The following GRIN2B variants were observed in gnomAD, a reference collection of about 807,000 sequenced individuals.
GRIN2B encodes glutamate ionotropic receptor NMDA type subunit 2B.
In GRIN2B, 5 loss-of-function variants were observed where a neutral mutation model predicts 114.5. That is an observed-to-expected ratio of 0.04 (90% confidence interval 0.02 to 0.09). The LOEUF is 0.09. Among genes scored for constraint, GRIN2B ranks in the 10% least tolerant of loss-of-function variants. The pLI is 1.00. For missense variants in GRIN2B, 1,108 were observed against 1,943.5 expected, an observed-to-expected ratio of 0.57 and a Z score of 8.08; for synonymous variants, 787 against 745.1, an observed-to-expected ratio of 1.06 and a Z score of -0.92.
chr12:13,612,531 A>G (rs1245978005), intron 8 of GRIN2B, among the ~76,000 whole-genome samples: 2 of 152,226 alleles, frequency 1.3e-5, no homozygotes, highest in African/African-American at 4.8e-5. Context: ...TTAACAAGTG[A>G]CAAGGGAACA....
rs78019794 is a variant in GRIN2B at position 13,761,000 on chromosome 12, G to A, written c.412-7085C>T. 6.2e-3 allele frequency among the ~76,000 whole-genome samples: 942 copies of A among 152,268 alleles called. 21 individuals carry two copies. Among genetic ancestry groups the A allele is most frequent in the East Asian group, 0.028 (147 of 5,190 alleles). Reference sequence around the variant, plus strand: ...TTGCAAGATAGGGAAAATTTCCGATGTTCTCCAGCCTCACCATTAATCAAA... The same window carrying A: ...TTGCAAGATAGGGAAAATTTCCGATATTCTCCAGCCTCACCATTAATCAAA... On this transcript the variant is annotated intron_variant, in intron 3 of 13. Coordinates refer to ENST00000609686, the MANE Select transcript of GRIN2B (RefSeq NM_000834.5).
chr12:13,569,341 T>G (rs4764012), intron 12 of GRIN2B, among the ~76,000 whole-genome samples: 144,664 of 152,280 alleles, frequency 0.95, 69,167 homozygotes, highest in East Asian at 1. Context: ...TCCCAGAGTA[T>G]GGTGAACCCC....
chr12:13,782,161 T>C (rs1343443962), intron 3 of GRIN2B, among the ~76,000 whole-genome samples: 1 of 152,172 alleles, frequency 6.6e-6, no homozygotes, highest in Non-Finnish European at 1.5e-5. Flanking sequence ...GGCTTCACTT[T>C]TTCCATAATT....
intron 3 of GRIN2B, among the ~76,000 whole-genome samples, chr12:13,856,733 C>G (rs1865666985): frequency 6.6e-6 from 1 of 152,134 alleles, no homozygotes; most frequent in Non-Finnish European, 1.5e-5. Flanking sequence ...TGGTGGTGCA[C>G]CCAGGGTTCT....
At chr12:13,970,163 C>T (rs143551350) in intron 2 of GRIN2B, among the ~76,000 whole-genome samples, 1 of 152,156 alleles carries the variant, frequency 6.6e-6, no homozygotes, top group African/African-American at 2.4e-5. Flanking sequence ...CATGGTGGAG[C>T]CTGCCTTTGA....
At chr12:13,576,835 G>C (rs982801156) in intron 10 of GRIN2B, among the ~76,000 whole-genome samples, 1 of 152,214 alleles carries the variant, frequency 6.6e-6, no homozygotes, top group African/African-American at 2.4e-5. Context: ...TTACAGGCGA[G>C]AGCCACCATG....
intron 3 of GRIN2B, among the ~76,000 whole-genome samples, chr12:13,759,498 A>T (rs1228085144): frequency 1.3e-5 from 2 of 152,082 alleles, no homozygotes; most frequent in Non-Finnish European, 2.9e-5. Context: ...CATCATCTAT[A>T]CTCAATTCTC....
chr12:13,892,036 G>A (rs1299348473), intron 2 of GRIN2B, among the ~76,000 whole-genome samples: 1 of 152,150 alleles, frequency 6.6e-6, no homozygotes, highest in Admixed American at 6.6e-5. Flanking sequence ...CTCAGCCTGG[G>A]ACATGTCATT....
chr12:13,640,274 T>A (rs954470642), intron 5 of GRIN2B, among the ~76,000 whole-genome samples: 2 of 152,002 alleles, frequency 1.3e-5, no homozygotes, highest in Non-Finnish European at 2.9e-5. Context: ...AAGAAAAAAA[T>A]GTAGATATCA....
intron 2 of GRIN2B, among the ~76,000 whole-genome samples, chr12:13,882,023 C>T (rs1281108423): frequency 6.6e-6 from 1 of 152,202 alleles, no homozygotes; most frequent in East Asian, 1.9e-4. Flanking sequence ...TGCATATATT[C>T]ATTCCTACAC....
chr12:13,568,057 A>G (rs2136411197), intron 12 of GRIN2B, among the ~76,000 whole-genome samples: 1 of 152,118 alleles, frequency 6.6e-6, no homozygotes, highest in South Asian at 2.1e-4. Context: ...TCTCTTGTTG[A>G]AGAAAATAAA....
At chr12:13,697,661 T>C (rs141452382) in intron 4 of GRIN2B, among the ~76,000 whole-genome samples, 2 of 152,192 alleles carry the variant, frequency 1.3e-5, no homozygotes, top group African/African-American at 2.4e-5. Context: ...ACCAATGAAA[T>C]AGAGCCTTTT....
At position 13,578,379 on chromosome 12, in the gene GRIN2B, C is replaced by CTGAGAGAATCGGTGCACCATG. The variant is rs1948804997; in HGVS notation, c.2011-6436_2011-6416dup. 3.3e-5 allele frequency among the ~76,000 whole-genome samples: 5 copies of CTGAGAGAATCGGTGCACCATG among 152,302 alleles called. 1 individual carries two copies. In the South Asian group the frequency reaches 1.0e-3, roughly 32 times the overall value. On this transcript the variant is annotated intron_variant, in intron 10 of 13. Coordinates refer to ENST00000609686, the MANE Select transcript of GRIN2B (RefSeq NM_000834.5). Reference sequence around the variant, plus strand: ...CACCTTGGCCTTTGGAAACCTCGCTCTGAGAGAATCGGTGCACCATGTCAG... The same window carrying CTGAGAGAATCGGTGCACCATG: ...CACCTTGGCCTTTGGAAACCTCGCTCTGAGAGAATCGGTGCACCATGTGAGAGAATCGGTGCACCATGTCAG...
At chr12:13,620,634 T>C (rs1338238870) in intron 5 of GRIN2B, among the ~76,000 whole-genome samples, 4 of 152,168 alleles carry the variant, frequency 2.6e-5, no homozygotes, top group Non-Finnish European at 4.4e-5. Flanking sequence ...TCTGAGACTG[T>C]AAACACATTT....
intron 2 of GRIN2B, among the ~76,000 whole-genome samples, chr12:13,868,893 T>A (rs1168684503): frequency 1.3e-5 from 2 of 152,228 alleles, no homozygotes; most frequent in African/African-American, 4.8e-5. Context: ...GAGGCTACTT[T>A]GAATACAAAC....
chr12:13,979,693 C>G (rs2136881503), intron 2 of GRIN2B, among the ~76,000 whole-genome samples: 1 of 152,208 alleles, frequency 6.6e-6, no homozygotes, highest in African/African-American at 2.4e-5. Flanking sequence ...TTTGTGCCTG[C>G]ATACATCCAC....
chr12:13,924,676 G>A (rs925449420), intron 2 of GRIN2B, among the ~76,000 whole-genome samples: 2 of 152,150 alleles, frequency 1.3e-5, no homozygotes, highest in Admixed American at 6.5e-5. Context: ...TGAGAAGAAT[G>A]GGAAGAGGAT....
At chr12:13,697,969 T>G (rs896930484) in intron 4 of GRIN2B, among the ~76,000 whole-genome samples, 3 of 152,200 alleles carry the variant, frequency 2.0e-5, no homozygotes, top group Non-Finnish European at 4.4e-5. Context: ...GAATGATAAA[T>G]AGACCCCACC....
intron 2 of GRIN2B, among the ~76,000 whole-genome samples, chr12:13,909,827 A>T (rs1282966430): frequency 1.3e-5 from 2 of 152,208 alleles, no homozygotes; most frequent in Non-Finnish European, 2.9e-5. Flanking sequence ...TTATGCAAGT[A>T]TCAGGAAAGA....
Sources: allele counts gnomAD v4.1 joint callset (sites outside exome capture counted in the v4.1 genomes callset), GRCh38; gene constraint gnomAD v4.1.1; transcripts MANE v1.5; gene names NCBI Gene and HGNC (gene_info 2026-07-23, HGNC 2026-07-21).